RAB7A: variants seen among roughly 807,000 people sequenced by gnomAD.
RAB7A encodes the protein ras-related protein Rab-7a.
Under a neutral mutation model 24.5 loss-of-function variants are expected in RAB7A, and 2 were observed. That is an observed-to-expected ratio of 0.08 (90% CI 0.03 to 0.26). The LOEUF is 0.26. RAB7A is among the 10% of genes least tolerant of loss of function. The pLI is 1.00. For synonymous variants in RAB7A, 100 were observed against 95.9 expected, an observed-to-expected ratio of 1.04 and a Z score of -0.25; for missense variants, 118 against 255.7, an observed-to-expected ratio of 0.46 and a Z score of 3.67.
rs144580224 is a variant in RAB7A, at chr3:128,785,706, G to A, written c.-8-9654G>A. 9.7e-4 allele frequency among the ~76,000 whole-genome samples: 139 copies of A among 143,414 alleles called. 3 individuals carry two copies. The East Asian group carries it at 0.026, about 27-fold the overall frequency. 94.1% of individuals were successfully genotyped at this position (143,414 alleles called of 152,430 possible). On this transcript the variant is annotated intron_variant, in intron 1 of 5. Coordinates refer to ENST00000265062, the MANE Select transcript of RAB7A (RefSeq NM_004637.6). ...GGAAGTTGCAGTGAACAGAGATCGC[G>A]CCACTGTACTCCAACCTGGGCGACA... is the stretch of plus-strand genomic sequence containing the variant.
intron 1 of RAB7A, among the ~76,000 whole-genome samples, chr3:128,743,940 C>G (rs984312557): frequency 6.6e-5 from 10 of 151,878 alleles, no homozygotes; most frequent in African/African-American, 1.9e-4. Flanking sequence ...AGGCGCCCAC[C>G]ACCACACCCA....
intron 1 of RAB7A, among the ~76,000 whole-genome samples, chr3:128,740,108 C>T (rs1261145463): frequency 6.6e-6 from 1 of 151,666 alleles, no homozygotes; most frequent in Non-Finnish European, 1.5e-5. Flanking sequence ...CACGGTGGCT[C>T]CCGCCTGCAA....
chr3:128,747,413 TC>T (rs2070629085), intron 1 of RAB7A, among the ~76,000 whole-genome samples: 1 of 151,316 alleles, frequency 6.6e-6, no homozygotes, highest in African/African-American at 2.5e-5. Context: ...ATGGAGAAAC[TC>T]CATCTCTACT....
chr3:128,758,138 T>A (rs2070745054), intron 1 of RAB7A, among the ~76,000 whole-genome samples: 1 of 151,890 alleles, frequency 6.6e-6, no homozygotes, highest in African/African-American at 2.4e-5. Context: ...AATTTTTAAA[T>A]TTTTTTGTAG....
At chr3:128,787,630 A>G (rs1177614717) in intron 1 of RAB7A, among the ~76,000 whole-genome samples, 2 of 152,256 alleles carry the variant, frequency 1.3e-5, no homozygotes, top group African/African-American at 2.4e-5. Flanking sequence ...TTGCAGATAT[A>G]GTAATCCTCT....
chr3:128,771,035 T>C (rs2070880448), intron 1 of RAB7A, among the ~76,000 whole-genome samples: 1 of 151,646 alleles, frequency 6.6e-6, no homozygotes, highest in Non-Finnish European at 1.5e-5. Flanking sequence ...AGTGGTACAA[T>C]CTCAGCTCAC....
intron 1 of RAB7A, among the ~76,000 whole-genome samples, chr3:128,771,974 G>A (rs1398992133): frequency 1.3e-5 from 2 of 152,150 alleles, no homozygotes; most frequent in African/African-American, 4.8e-5. Context: ...CAAAACTCAG[G>A]TGGAGATACT....
At position 128,804,123 on chromosome 3, in the gene RAB7A, C is replaced by A. The variant is rs1003646119; in HGVS notation, c.181-2249C>A. Reference sequence around the variant, plus strand: ...CTAGGGACCTCCCTGGGCCCCCCCCCGCCCCCAGCATGTGCAGTTAGACTT... The same window carrying A: ...CTAGGGACCTCCCTGGGCCCCCCCCAGCCCCCAGCATGTGCAGTTAGACTT... On this transcript the variant is annotated intron_variant, in intron 3 of 5. Coordinates refer to ENST00000265062, the MANE Select transcript of RAB7A (RefSeq NM_004637.6). Among the ~76,000 whole-genome samples, 5 of 145,686 alleles carry A rather than the reference C, an allele frequency of 3.4e-5. 1 individual carries two copies. The South Asian group carries it at 1.0e-3, about 31-fold the overall frequency.
chr3:128,729,658 G>A (rs1416591061), intron 1 of RAB7A, among the ~76,000 whole-genome samples: 1 of 151,700 alleles, frequency 6.6e-6, no homozygotes, highest in Non-Finnish European at 1.5e-5. Context: ...AAACAAAGAT[G>A]TAGCAAACAC....
intron 1 of RAB7A, among the ~76,000 whole-genome samples, chr3:128,759,976 C>T (rs1198490820): frequency 6.6e-6 from 1 of 152,152 alleles, no homozygotes; most frequent in Non-Finnish European, 1.5e-5. Flanking sequence ...TCCCAAAGTG[C>T]TGGGATTATA....
chr3:128,736,688 A>T (rs1400007713), intron 1 of RAB7A, among the ~76,000 whole-genome samples: 1 of 152,162 alleles, frequency 6.6e-6, no homozygotes, highest in African/African-American at 2.4e-5. Flanking sequence ...ATTTAAATTT[A>T]AAAAAATTTA....
At chr3:128,728,611 C>T (rs536689569) in intron 1 of RAB7A, among the ~76,000 whole-genome samples, 17 of 152,208 alleles carry the variant, frequency 1.1e-4, no homozygotes, top group South Asian at 6.2e-4. Context: ...TACAGGCATG[C>T]GCCACCATGC....
chr3:128,774,103 A>T (rs1933022851), intron 1 of RAB7A, among the ~76,000 whole-genome samples: 1 of 150,786 alleles, frequency 6.6e-6, no homozygotes, highest in Admixed American at 6.6e-5. Flanking sequence ...AAAGAAAAAA[A>T]ATTTTTTTAA....
At chr3:128,750,425 C>G (rs1385762993) in intron 1 of RAB7A, among the ~76,000 whole-genome samples, 1 of 152,084 alleles carries the variant, frequency 6.6e-6, no homozygotes, top group Non-Finnish European at 1.5e-5. Flanking sequence ...CCACGCCCAG[C>G]TAATTTTTGT....
chr3:128,813,658 G>A lies in RAB7A; in HGVS notation c.*236G>A, dbSNP rs867716304. ...CAAACTCCAGCCCTTGCCCGTGATG[G>A]CTCCTTGGGGTCTGCCTGCCCACCC... On this transcript the variant is annotated 3_prime_UTR_variant, in exon 6 of 6. Coordinates refer to ENST00000265062, the MANE Select transcript of RAB7A (RefSeq NM_004637.6). The A allele has an allele frequency of 9.1e-6, 5 of 552,040 alleles. No individual in the cohort carries two copies. The highest frequency in any genetic ancestry group is 1.7e-5 in the Non-Finnish European group (5 of 298,714). 34.2% of individuals were successfully genotyped at this position (552,040 alleles called of 1,614,324 possible).
chr3:128,796,002 C>T (rs1024085178), intron 2 of RAB7A, among the ~76,000 whole-genome samples: 12 of 151,892 alleles, frequency 7.9e-5, no homozygotes, highest in African/African-American at 2.4e-5. Flanking sequence ...CCGCCTGCCT[C>T]GGCCTCCCAA....
At chr3:128,786,169 TGGA>T (rs1933335945) in intron 1 of RAB7A, among the ~76,000 whole-genome samples, 2 of 152,230 alleles carry the variant, frequency 1.3e-5, no homozygotes. Context: ...CTTGGTTTGT[TGGA>T]GGAGTAAACA....
intron 3 of RAB7A, chr3:128,798,858 T>C: frequency 3.7e-6 from 1 of 270,354 alleles, no homozygotes; most frequent in South Asian, 3.8e-5. Flanking sequence ...ATCCCAGGAT[T>C]TTCCCTCCTG....
At chr3:128,746,088 A>C (rs1018121734) in intron 1 of RAB7A, among the ~76,000 whole-genome samples, 1 of 152,206 alleles carries the variant, frequency 6.6e-6, no homozygotes, top group East Asian at 1.9e-4. Context: ...AAATGTCCAA[A>C]TATTTATTAT....
Sources: gnomAD v4.1 joint callset for allele counts (sites outside exome capture counted in the v4.1 genomes callset) on GRCh38, gnomAD v4.1.1 for gene constraint, MANE v1.5 for transcripts, NCBI Gene and HGNC (gene_info 2026-07-23, HGNC 2026-07-21) for gene names.